ARHGAP22: variants seen among roughly 807,000 people sequenced by gnomAD.
ARHGAP22 encodes Rho GTPase activating protein 22, also known as rho GTPase-activating protein 22.
A neutral mutation model predicts 59.1 loss-of-function variants in ARHGAP22; 48 were observed. That is an observed-to-expected ratio of 0.81 (90% CI 0.64 to 1.03). The LOEUF is 1.03. Among genes scored for constraint, ARHGAP22 ranks in the 50% least tolerant of loss-of-function variants. The pLI is 0.00. For missense variants in ARHGAP22, 1,015 were observed against 958.7 expected, an observed-to-expected ratio of 1.06 and a Z score of -0.78; for synonymous variants, 445 against 416.4, an observed-to-expected ratio of 1.07 and a Z score of -0.84.
the ARHGAP22 span, among the ~76,000 whole-genome samples, chr10:48,440,078 C>T: frequency 1.3e-5 from 2 of 152,092 alleles, no homozygotes; most frequent in South Asian, 4.2e-4. Flanking sequence ...TTTTCATTTT[C>T]ACCAGTTGTA....
chr10:48,447,531 G>C (rs1442643160), intron 9 of ARHGAP22, among the ~76,000 whole-genome samples: 1 of 152,142 alleles, frequency 6.6e-6, no homozygotes, highest in African/African-American at 2.4e-5. Flanking sequence ...CCAAAACGAA[G>C]CCTCCATCCT....
intron 5 of ARHGAP22, among the ~76,000 whole-genome samples, chr10:48,456,661 G>A (rs1433910603): frequency 6.6e-6 from 1 of 152,100 alleles, no homozygotes; most frequent in Non-Finnish European, 1.5e-5. Context: ...CTGGGGGGAT[G>A]GGAGCATTTC....
At chr10:48,453,888 C>T in intron 7 of ARHGAP22, among the ~76,000 whole-genome samples, 200 bp downstream of exon 7, 1 of 152,138 alleles carries the variant, frequency 6.6e-6, no homozygotes, top group East Asian at 1.9e-4. Context: ...ACCAGCTGCT[C>T]CCATGGGACT....
intron 2 of ARHGAP22, among the ~76,000 whole-genome samples, chr10:48,558,291 C>A (rs1037915072): frequency 1.3e-4 from 19 of 151,874 alleles, no homozygotes; most frequent in African/African-American, 2.7e-4. Context: ...TACTTTTTAA[C>A]CTTTGTTTTT....
In ARHGAP22 at chr10:48,465,092, G is replaced by A. The variant is rs561822068; in HGVS notation, c.452-5201C>T. ...CAGGAGCCTGGCAGGGCCTGCCCCC[G>A]CCTGGCTGAACTCCCTCAGCTCTCC... is the stretch of plus-strand genomic sequence containing the variant. On this transcript the variant is annotated intron_variant, in intron 4 of 9. Coordinates refer to ENST00000249601, the MANE Select transcript of ARHGAP22 (RefSeq NM_021226.4). 4.6e-5 allele frequency among the ~76,000 whole-genome samples: 7 copies of A among 152,184 alleles called. No homozygotes were observed. The East Asian group carries it at 1.4e-3, about 29-fold the overall frequency.
chr10:48,518,855 C>A (rs779803110), intron 3 of ARHGAP22, among the ~76,000 whole-genome samples: 5 of 152,082 alleles, frequency 3.3e-5, no homozygotes, highest in Admixed American at 3.3e-4. Context: ...GATTCAAGTG[C>A]ACTTTGGAAA....
At chr10:48,566,691 ACT>A (rs2058066322) in intron 2 of ARHGAP22, among the ~76,000 whole-genome samples, 1 of 152,142 alleles carries the variant, frequency 6.6e-6, no homozygotes, top group Non-Finnish European at 1.5e-5. Context: ...CTGCTTCTTC[ACT>A]GTGTCATGAG....
At chr10:48,462,438 G>T (rs1355708270) in intron 4 of ARHGAP22, among the ~76,000 whole-genome samples, 1 of 152,174 alleles carries the variant, frequency 6.6e-6, no homozygotes, top group Non-Finnish European at 1.5e-5. Context: ...CAGTTTGTAG[G>T]ATGTTTGAAC....
At chr10:48,502,987 A>G (rs6537563) in intron 3 of ARHGAP22, among the ~76,000 whole-genome samples, 35,696 of 152,178 alleles carry the variant, frequency 0.23, 7,302 homozygotes, top group East Asian at 0.59. Context: ...GCATCCTCTC[A>G]GCCACCTCCA....
At chr10:48,653,872 C>T (rs2062654353), upstream of ARHGAP22, among the ~76,000 whole-genome samples, 1 of 152,146 alleles carries the variant, frequency 6.6e-6, no homozygotes, top group Admixed American at 6.5e-5. Flanking sequence ...GTAGGATGCC[C>T]AGTTAGTTTT....
intron 1 of ARHGAP22, among the ~76,000 whole-genome samples, chr10:48,632,348 T>C (rs1197374086): frequency 6.6e-6 from 1 of 152,240 alleles, no homozygotes; most frequent in Non-Finnish European, 1.5e-5. Flanking sequence ...CCAGTAGTTA[T>C]GCAATCCTAT....
chr10:48,618,656 T>TA (rs1377345429), intron 1 of ARHGAP22, among the ~76,000 whole-genome samples: 1 of 151,980 alleles, frequency 6.6e-6, no homozygotes, highest in Non-Finnish European at 1.5e-5. Context: ...CCCTTCATGA[T>TA]AAAAAATTCT....
chr10:48,622,669 C>G (rs2061323855), intron 1 of ARHGAP22, among the ~76,000 whole-genome samples: 1 of 152,178 alleles, frequency 6.6e-6, no homozygotes, highest in African/African-American at 2.4e-5. Context: ...TCAGACTAGC[C>G]ACTTTATCTC....
the ARHGAP22 span, among the ~76,000 whole-genome samples, chr10:48,432,817 G>GAA: frequency 6.6e-6 from 1 of 152,170 alleles, no homozygotes; most frequent in Admixed American, 6.5e-5. Flanking sequence ...GAAAAAGATA[G>GAA]AAATTGAGGT....
At position 48,548,198 on chromosome 10, in the gene ARHGAP22, C is replaced by T. The variant is rs184728997; in HGVS notation, c.322+7265G>A. Reference sequence around the variant, plus strand: ...GCTCGCCCCTCCCAGCTCCTGGCCCCGTGACAGCCCAGCCGCTTGCCCCTT... The same window carrying T: ...GCTCGCCCCTCCCAGCTCCTGGCCCTGTGACAGCCCAGCCGCTTGCCCCTT... On this transcript the variant is annotated intron_variant, in intron 3 of 9. Transcript: ENST00000249601. Among the ~76,000 whole-genome samples the T allele has an allele frequency of 1.4e-4, 21 of 152,320 alleles. No individual in the cohort carries two copies. The East Asian group carries it at 2.1e-3, about 15-fold the overall frequency.
rs2059304380 is a variant in ARHGAP22, at chr10:48,584,503, C to T, written c.35-1351G>A. On this transcript the variant is annotated intron_variant, in intron 1 of 9. Transcript: ENST00000249601. ...CAGGTGGCCCATGGCTGGTGATTAT[C>T]TGTGTGGTTGTCTTTCTGCCACTCT... Among the ~76,000 whole-genome samples the T allele has an allele frequency of 2.6e-5, 4 of 152,302 alleles. No homozygotes were observed. In the South Asian group the frequency reaches 8.3e-4, roughly 32 times the overall value.
intron 4 of ARHGAP22, among the ~76,000 whole-genome samples, chr10:48,476,491 A>G (rs550784277): frequency 2.0e-5 from 3 of 152,358 alleles, no homozygotes; most frequent in East Asian, 1.9e-4. Context: ...CAGGGGATGC[A>G]AGCTAATAAC....
rs375315099 is a variant in ARHGAP22, at chr10:48,634,017, T to TC, written c.52+18216dup. Among the ~76,000 whole-genome samples the TC allele has an allele frequency of 3.8e-4, 58 of 152,348 alleles. 1 individual carries two copies. The highest frequency in any genetic ancestry group is 1.1e-3 in the African/African-American group (47 of 41,580). ...TCCTGGCCACCAGGATGCTGCTTCC[T>TC]CCCACGCTTGTTTCTATGATAACTG... is the stretch of plus-strand genomic sequence containing the variant. On this transcript the variant is annotated intron_variant, in intron 1 of 9. Coordinates refer to the ARHGAP22 transcript ENST00000435790.
chr10:48,581,420 C>T (rs893367778), intron 2 of ARHGAP22, among the ~76,000 whole-genome samples: 1 of 152,236 alleles, frequency 6.6e-6, no homozygotes, highest in Non-Finnish European at 1.5e-5. Context: ...TTTGTTCACA[C>T]TGCACAGCTA....
Sources: allele counts gnomAD v4.1 joint callset (sites outside exome capture counted in the v4.1 genomes callset), GRCh38; gene constraint gnomAD v4.1.1; transcripts MANE v1.5; gene names NCBI Gene and HGNC (gene_info 2026-07-23, HGNC 2026-07-21).